GRIPAP1: variants seen among roughly 807,000 people sequenced by gnomAD.
GRIPAP1 encodes GRIP1 associated protein 1.
Under a neutral mutation model 84.1 loss-of-function variants are expected in GRIPAP1, and 14 were observed. That is an observed-to-expected ratio of 0.17 (90% CI 0.11 to 0.26). GRIPAP1 has a LOEUF of 0.26. Among genes scored for constraint, GRIPAP1 ranks in the 10% least tolerant of loss-of-function variants. The pLI, the probability that GRIPAP1 is intolerant of heterozygous loss-of-function variation, is 1.00. For missense variants in GRIPAP1, 518 were observed against 674.2 expected (o/e 0.77, Z 2.57); for synonymous variants, 261 against 256.8 (o/e 1.02, Z -0.15).
At chrX:48,986,859 T>C (rs1270636733) in intron 13 of GRIPAP1, among the ~76,000 whole-genome samples, 1 of 109,550 alleles carries the variant, frequency 9.1e-6, no homozygotes, top group Non-Finnish European at 1.9e-5. Context: ...TTGTTTTTTG[T>C]TTTTTTGAGA....
Position 48,974,153 on chromosome X carries a change from G to T in GRIPAP1, c.*40C>A, listed in dbSNP as rs782709766. 1.1e-6 allele frequency: 1 copy of T among 917,433 alleles called. No individual in the cohort carries two copies. Among genetic ancestry groups the T allele is most frequent in the Non-Finnish European group, 1.6e-6 (1 of 632,655 alleles). 75.6% of individuals were successfully genotyped at this position (917,433 alleles called of 1,213,427 possible). A position where few individuals can be genotyped will look rare whatever the true frequency, so the allele number is the denominator to read the frequency against. On this transcript the variant is annotated 3_prime_UTR_variant, in exon 26 of 26. Transcript: ENST00000376423. ...ACAGCCCAAGGGAATAGCATCCTAG[G>T]GGGTAGGAAGGGGAGGAGGTGGGTG...
chrX:48,990,961 TCTC>T lies in GRIPAP1; in HGVS notation c.604_606del (p.Glu202del). On this transcript the variant is annotated inframe_deletion, in exon 7 of 26. Transcript: ENST00000376423. Reference sequence around the variant, plus strand: ...TGCAGCTGTTCCCAGAGCAATCTCTTCTCCTCTTTCTCCATTTCCCATTTCAGC... The same window carrying T: ...TGCAGCTGTTCCCAGAGCAATCTCTTCTCTTTCTCCATTTCCCATTTCAGC... The T allele has an allele frequency of 1.5e-5, 18 of 1,172,981 alleles. No individual in the cohort carries two copies. The highest frequency in any genetic ancestry group is 2.1e-5 in the Non-Finnish European group (18 of 876,988).
At position 48,981,650 on chromosome X, in the gene GRIPAP1, C is replaced by G; in HGVS notation, c.1719G>C (p.Glu573Asp). Reference sequence around the variant, plus strand: ...GGCAGTCCCGCTCCTCCTGGGCCTGCTCGAGCTGATCCCGTACATCCTGTA... The same window carrying G: ...GGCAGTCCCGCTCCTCCTGGGCCTGGTCGAGCTGATCCCGTACATCCTGTA... ...EELQDVRDQL[E>D]QAQEERDCHL... is the part of the protein sequence containing the mutation. The change falls in exon 19 of 26, where the codon GAG (glutamate) becomes GAC (aspartate). Residue 573 changes from glutamate to aspartate, a missense_variant. Glu to Asp is a conservative substitution (Grantham distance 45). Around this residue, in one of 5 missense-constraint regions of GRIPAP1, gnomAD observed 372 missense variants for 458.1 expected, o/e 0.81. Transcript: ENST00000376423. 8.3e-7 allele frequency: 1 copy of G among 1,209,996 alleles called. No homozygotes were observed. The highest frequency in any genetic ancestry group is 1.1e-6 in the Non-Finnish European group (1 of 893,737).
At chrX:48,982,804 C>A (rs782031498) in intron 17 of GRIPAP1, among the ~76,000 whole-genome samples, 175 bp downstream of exon 17, 19 of 112,652 alleles carry the variant, frequency 1.7e-4, no homozygotes, top group Admixed American at 2.8e-4. Context: ...TCTGTCCTAT[C>A]TGATGGCCAT....
At chrX:48,996,816 C>T (rs1461064827) in intron 5 of GRIPAP1, among the ~76,000 whole-genome samples, 2 of 111,724 alleles carry the variant, frequency 1.8e-5, no homozygotes, top group Non-Finnish European at 3.8e-5. Flanking sequence ...GAATTAGTAG[C>T]TCCAGGATGA....
chrX:48,985,629 G>A (rs988004884), intron 13 of GRIPAP1, among the ~76,000 whole-genome samples: 3 of 112,279 alleles, frequency 2.7e-5, no homozygotes, highest in African/African-American at 9.7e-5. Flanking sequence ...CTGCCACGTG[G>A]ATAAACTTAC....
intron 17 of GRIPAP1, among the ~76,000 whole-genome samples, chrX:48,982,766 A>C (rs1557062574): frequency 8.9e-6 from 1 of 112,551 alleles, no homozygotes; most frequent in East Asian, 2.8e-4. Flanking sequence ...AATTTGCACA[A>C]AGGCAGGGCA....
intron 3 of GRIPAP1, 165 bp downstream of exon 3, chrX:48,999,070 AATT>A: frequency 2.7e-6 from 1 of 375,245 alleles, no homozygotes; most frequent in Non-Finnish European, 4.6e-6. Flanking sequence ...GATTAGGTAA[AATT>A]AGCAACTAAA....
chrX:48,990,051 G>A (rs1557065043), intron 8 of GRIPAP1, 48 bp from the exon 9 acceptor site: 1 of 994,525 alleles, frequency 1.0e-6, no homozygotes, highest in Non-Finnish European at 1.4e-6. Flanking sequence ...ATAATATAAA[G>A]ACAAACCTAA....
intron 4 of GRIPAP1, 176 bp from the exon 5 acceptor site, chrX:48,997,533 G>C: frequency 2.3e-6 from 1 of 432,748 alleles, no homozygotes; most frequent in South Asian, 3.4e-5. Flanking sequence ...ACAGGGAAAG[G>C]AAGATAAAGA....
At chrX:48,991,351 T>C in intron 6 of GRIPAP1, 1 of 365,767 alleles carries the variant, frequency 2.7e-6, no homozygotes, top group Non-Finnish European at 4.8e-6. Context: ...ATGATCACAG[T>C]TCACTGCAAC....
chrX:48,993,110 G>A (rs1462146821), intron 6 of GRIPAP1, among the ~76,000 whole-genome samples: 5 of 112,672 alleles, frequency 4.4e-5, no homozygotes, highest in Non-Finnish European at 9.4e-5. Flanking sequence ...GTGAGCCACC[G>A]CGCCCGGCCG....
chrX:48,994,784 G>A (rs1395778387), intron 5 of GRIPAP1, among the ~76,000 whole-genome samples: 1 of 111,851 alleles, frequency 8.9e-6, no homozygotes, highest in African/African-American at 3.2e-5. Flanking sequence ...TTTACTAGCT[G>A]TGTGACAAAT....
intron 6 of GRIPAP1, 91 bp from the exon 7 acceptor site, chrX:48,991,201 C>A: frequency 1.6e-6 from 1 of 625,304 alleles, no homozygotes; most frequent in Non-Finnish European, 2.7e-6. Flanking sequence ...GCCTTCAACC[C>A]CTCAGGTGGC....
chrX:49,001,849 T>A, intron 1 of GRIPAP1, among the ~76,000 whole-genome samples: 1 of 110,103 alleles, frequency 9.1e-6, no homozygotes, highest in Non-Finnish European at 1.9e-5. Context: ...GGTTTCGCCT[T>A]CTCAGGATCT....
chrX:48,987,578 C>T (rs1200233040), intron 13 of GRIPAP1, among the ~76,000 whole-genome samples: 1 of 103,316 alleles, frequency 9.7e-6, no homozygotes, highest in Non-Finnish European at 2.0e-5. Context: ...TCAGCCTCCC[C>T]AATAAAATTT....
chrX:48,981,146 C>T (rs1421306587), intron 21 of GRIPAP1, 69 bp downstream of exon 21: 1 of 829,002 alleles, frequency 1.2e-6, no homozygotes, highest in Admixed American at 2.5e-5. Flanking sequence ...CAGGACTAAC[C>T]TGCAGCCTGC....
At chrX:48,978,679 A>C (rs1054348096) in intron 21 of GRIPAP1, among the ~76,000 whole-genome samples, 19 of 110,223 alleles carry the variant, frequency 1.7e-4, no homozygotes, top group African/African-American at 6.3e-4. Flanking sequence ...TGATCACTTG[A>C]TGTCAGGAGT....
At position 48,978,349 on chromosome X, in the gene GRIPAP1, G is replaced by T. The variant is rs2064434239; in HGVS notation, c.2017C>A (p.Arg673=). The T allele has an allele frequency of 8.3e-7, 1 of 1,206,642 alleles. No homozygotes were observed. Among genetic ancestry groups the T allele is most frequent in the South Asian group, 1.8e-5 (1 of 56,219 alleles). Residue 673 remains arginine, a synonymous_variant, in exon 22 of 26, where the codon CGG becomes AGG. Coordinates refer to ENST00000376423, the MANE Select transcript of GRIPAP1 (RefSeq NM_020137.5). ...CTCTCCTTTTCCCGCAAGATCTCCC[G>T]GTAGCTGAAGGAGGAGATGCTACTG... ...DSSSISSFSY[R]EILREKESSA... is the part of the protein sequence containing the mutation.
Sources: allele counts gnomAD v4.1 joint callset (sites outside exome capture counted in the v4.1 genomes callset), GRCh38; gene constraint gnomAD v4.1.1; regional missense constraint gnomAD v4.1.1; transcripts MANE v1.5; gene names NCBI Gene and HGNC (gene_info 2026-07-23, HGNC 2026-07-21).